LMBR1L: variants seen among roughly 807,000 people sequenced by gnomAD.
LMBR1L encodes protein LMBR1L.
In LMBR1L, 47 loss-of-function variants were observed where a neutral mutation model predicts 67.3. That is an observed-to-expected ratio of 0.70 (90% CI 0.55 to 0.89). The LOEUF (loss-of-function observed/expected upper bound fraction) is 0.89, where lower values mean the gene tolerates loss of function less well. Among genes scored for constraint, LMBR1L ranks in the 40% least tolerant of loss-of-function variants. LMBR1L has a pLI of 0.00. For synonymous variants in LMBR1L, 247 were observed against 250.3 expected, an observed-to-expected ratio of 0.99 and a Z score of 0.13; for missense variants, 533 against 599.2, an observed-to-expected ratio of 0.89 and a Z score of 1.15.
At position 49,104,728 on chromosome 12, in the gene LMBR1L, C is replaced by T; in HGVS notation, c.331+18G>A. ...TGCTCCCTATCCCTACCCCAAGCAG[C>T]TTCCAGGAGCCACACACCATGGATG... On this transcript the variant is annotated intron_variant, in intron 4 of 16. Coordinates refer to ENST00000267102, the MANE Select transcript of LMBR1L (RefSeq NM_018113.4). 6.2e-7 allele frequency: 1 copy of T among 1,613,066 alleles called. No homozygotes were observed. Among genetic ancestry groups the T allele is most frequent in the Non-Finnish European group, 8.5e-7 (1 of 1,179,528 alleles).
rs150891914 is a variant in LMBR1L, at chr12:49,106,768, T to C, written c.157+193A>G. 2,124 of 843,092 alleles carry C rather than the reference T, an allele frequency of 2.5e-3. 35 individuals carry two copies. In the Admixed American group the frequency reaches 0.027, roughly 11 times the overall value. 52.2% of individuals were successfully genotyped at this position (843,092 alleles called of 1,614,324 possible). On this transcript the variant is annotated intron_variant, in intron 2 of 16. Transcript: ENST00000267102. ...GAAACTGAGGATCAGAAATGTTATATGACTTGCCCAGCAGACACATCCATC... is the reference window on the plus strand; with the variant it reads ...GAAACTGAGGATCAGAAATGTTATACGACTTGCCCAGCAGACACATCCATC...
chr12:49,101,791 T>C (rs1335314541), intron 11 of LMBR1L: 2 of 581,424 alleles, frequency 3.4e-6, no homozygotes, highest in Non-Finnish European at 6.1e-6. Flanking sequence ...GCATCTCTCT[T>C]CCTTCAACTG....
rs779140427 is a variant in LMBR1L, at chr12:49,100,659, T to G, written c.1083-13A>C. ...CACCATTAGGTAACTGCCACTGCAT[T>G]AAGGAAGAACTGGCTGGCTCCAAGA... On this transcript the variant is annotated splice_polypyrimidine_tract_variant and intron_variant, in intron 13 of 16. Coordinates refer to ENST00000267102, the MANE Select transcript of LMBR1L (RefSeq NM_018113.4). 8.8e-6 allele frequency: 14 copies of G among 1,594,124 alleles called. No homozygotes were observed. Among genetic ancestry groups the G allele is most frequent in the Non-Finnish European group, 2.6e-6 (3 of 1,163,002 alleles).
chr12:49,100,484 GGGT>G (rs1565584625), intron 14 of LMBR1L, 30 bp from the exon 15 acceptor site: 1 of 1,609,938 alleles, frequency 6.2e-7, no homozygotes, highest in Non-Finnish European at 8.5e-7. Context: ...GGAGAGGTGA[GGGT>G]GGAAGAGCTG....
chr12:49,106,736 G>C (rs1403460820), intron 2 of LMBR1L: 1 of 891,832 alleles, frequency 1.1e-6, no homozygotes, highest in Admixed American at 2.0e-5. Flanking sequence ...CGCCCATTTT[G>C]TAGGATGAAA....
In LMBR1L at chr12:49,104,536, A is replaced by T. The variant is rs1210882260; in HGVS notation, c.347T>A (p.Val116Asp). Residue 116 changes from valine (V) to aspartate (D), a missense_variant, in exon 5 of 17, where the codon GTT becomes GAT. By Grantham distance (152) the Val-to-Asp change is radical. Transcript: ENST00000267102. ...GSLIHGLWNL[V>D]FLFSNLSLIF... ...GAGGGACAGGTTGGAGAAGAGAAAA[A>T]CAAGGTTCCAGAGGCCTAGAGCAAA... 1.2e-6 allele frequency: 2 copies of T among 1,613,880 alleles called. No homozygotes were observed. Among genetic ancestry groups the T allele is most frequent in the African/African-American group, 2.7e-5 (2 of 74,910 alleles).
intron 15 of LMBR1L, among the ~76,000 whole-genome samples, chr12:49,099,123 ATTTT>A (rs35643504): frequency 2.0e-5 from 2 of 101,972 alleles, no homozygotes; most frequent in Non-Finnish European, 3.9e-5. Context: ...CTCACAGCTG[ATTTT>A]TTTTTTTTTT....
At chr12:49,100,667 A>T in intron 13 of LMBR1L, 21 bp from the exon 14 acceptor site, 6 of 1,566,788 alleles carry the variant, frequency 3.8e-6, no homozygotes, top group Non-Finnish European at 4.4e-6. Context: ...ATTAAGGAAG[A>T]ACTGGCTGGC....
In LMBR1L at chr12:49,104,443, C is replaced by T. The variant is rs769835221; in HGVS notation, c.435+5G>A. 3.1e-6 allele frequency: 5 copies of T among 1,592,678 alleles called. No individual in the cohort carries two copies. The South Asian group carries it at 5.5e-5, about 18-fold the overall frequency. Reference sequence around the variant, plus strand: ...TTCCTGCCTGGATACATATCCCCTACTTACCTTTCTGGAGCCAGCAAAGCC... The same window carrying T: ...TTCCTGCCTGGATACATATCCCCTATTTACCTTTCTGGAGCCAGCAAAGCC... On this transcript the variant is annotated splice_donor_5th_base_variant and intron_variant, in intron 5 of 16. Transcript: ENST00000267102.
chr12:49,102,585 G>T lies in LMBR1L; in HGVS notation c.697-45C>A. 3 of 1,586,098 alleles carry T rather than the reference G, an allele frequency of 1.9e-6. No homozygotes were observed. In the South Asian group the frequency reaches 3.3e-5, roughly 18 times the overall value. ...AGAGACTAACTGTCAGAGGCTCCCT[G>T]ACCCAAAGGCCCCAGGAGAACCCTG... On this transcript the variant is annotated intron_variant, in intron 8 of 16. Transcript: ENST00000267102.
rs1415378968 is a variant in LMBR1L, at chr12:49,101,466, T to C, written c.1008+6A>G. 6 of 1,613,764 alleles carry C rather than the reference T, an allele frequency of 3.7e-6. No individual in the cohort carries two copies. Among genetic ancestry groups the C allele is most frequent in the Non-Finnish European group, 4.2e-6 (5 of 1,179,766 alleles). On this transcript the variant is annotated splice_donor_region_variant and intron_variant, in intron 12 of 16. Coordinates refer to ENST00000267102, the MANE Select transcript of LMBR1L (RefSeq NM_018113.4). ...CAAAGGATATGGTGGGAGGGCAGCC[T>C]GGTACCTGCATGCCTCGGGGCATGG...
At chr12:49,109,085 G>C (rs1284815621) in intron 1 of LMBR1L, among the ~76,000 whole-genome samples, 2 of 152,132 alleles carry the variant, frequency 1.3e-5, no homozygotes, top group African/African-American at 4.8e-5. Flanking sequence ...GGAGTTCCAC[G>C]CAGTTCCAAG....
chr12:49,110,686 G>A lies in LMBR1L; in HGVS notation c.-131C>T, dbSNP rs2121108031. Reference sequence around the variant, plus strand: ...CTCGCAGCCTGCGACAGAAACTCGGGGCAGTCTGGGGCTCAGATACAGTCG... The same window carrying A: ...CTCGCAGCCTGCGACAGAAACTCGGAGCAGTCTGGGGCTCAGATACAGTCG... On this transcript the variant is annotated 5_prime_UTR_variant, in exon 1 of 17. Coordinates refer to ENST00000267102, the MANE Select transcript of LMBR1L (RefSeq NM_018113.4). The A allele has an allele frequency of 1.4e-6, 1 of 739,022 alleles. No homozygotes were observed. The highest frequency in any genetic ancestry group is 1.7e-5 in the African/African-American group (1 of 57,866). The allele number at this position is 739,022 out of a possible 1,614,324, so 45.8% of individuals were successfully genotyped here.
chr12:49,105,855 G>T, intron 3 of LMBR1L, 69 bp downstream of exon 3: 4 of 1,330,644 alleles, frequency 3.0e-6, no homozygotes, highest in Non-Finnish European at 4.2e-6. Flanking sequence ...TCTCCCTCCA[G>T]CTCCAGGCCT....
Position 49,101,498 on chromosome 12 carries a change from C to T in LMBR1L, c.982G>A (p.Glu328Lys). The change falls in exon 12 of 17, where the codon GAG becomes AAG. Residue 328 changes from glutamate to lysine, a missense_variant. This residue lies in a region of LMBR1L where 223 missense variants were observed against 241.2 expected (regional missense o/e 0.92). Transcript: ENST00000267102. ...AIHILELLID[E>K]AAMPRGMQGT... ...TGCATGCCTCGGGGCATGGCAGCCT[C>T]ATCGATGAGCAGCTCCAGGATGTGG... 1 of 1,614,020 alleles carries T rather than the reference C, an allele frequency of 6.2e-7. No individual in the cohort carries two copies. Among genetic ancestry groups the T allele is most frequent in the Non-Finnish European group, 8.5e-7 (1 of 1,179,972 alleles).
In LMBR1L at chr12:49,100,589, C is replaced by T. The variant is rs752140938; in HGVS notation, c.1140G>A (p.Leu380=). The T allele has an allele frequency of 6.2e-7, 1 of 1,614,208 alleles. No homozygotes were observed. Among genetic ancestry groups the T allele is most frequent in the Non-Finnish European group, 8.5e-7 (1 of 1,180,030 alleles). Residue 380 remains leucine (L), a synonymous_variant, in exon 14 of 17, where the codon CTG becomes CTA. Coordinates refer to ENST00000267102, the MANE Select transcript of LMBR1L (RefSeq NM_018113.4). ...GFYSSPLFRS[L]RPRWHDTAMT... ...TGGCAGTGTCGTGCCATCTGGGCCG[C>T]AGGCTCCGGAAGAGTGGAGAGCTAT... is the stretch of plus-strand genomic sequence containing the variant.
At chr12:49,107,108 G>T in intron 1 of LMBR1L, 63 bp from the exon 2 acceptor site, 1 of 1,097,802 alleles carries the variant, frequency 9.1e-7, no homozygotes, top group Non-Finnish European at 1.4e-6. Flanking sequence ...CAGCCCCAAG[G>T]GCCTCTCTGT....
At chr12:49,106,190 A>G (rs1940881617) in intron 2 of LMBR1L, 3 of 557,586 alleles carry the variant, frequency 5.4e-6, no homozygotes, top group Non-Finnish European at 9.5e-6. Flanking sequence ...AGACATTCCT[A>G]TACTTCTTTA....
At chr12:49,110,233 A>AGGGGGGGG in intron 1 of LMBR1L, 1 of 248,854 alleles carries the variant, frequency 4.0e-6, no homozygotes, top group Non-Finnish European at 6.5e-6. Context: ...GAGGGGTGGG[A>AGGGGGGGG]GGGAGGGGCA....
Sources: gnomAD v4.1 joint callset for allele counts (sites outside exome capture counted in the v4.1 genomes callset) on GRCh38, gnomAD v4.1.1 for gene constraint, gnomAD v4.1.1 regional missense constraint, MANE v1.5 for transcripts, NCBI Gene and HGNC (gene_info 2026-07-23, HGNC 2026-07-21) for gene names.